Variants in IGF1R observed in about 807,000 individuals in gnomAD.
IGF1R encodes insulin-like growth factor 1 receptor.
Under a neutral mutation model 144.6 loss-of-function variants are expected in IGF1R, and 44 were observed. The observed-to-expected ratio is 0.30, with a 90% CI of 0.24 to 0.39. The LOEUF is 0.39. IGF1R is among the 10% of genes least tolerant of loss of function. The pLI, the probability that IGF1R is intolerant of heterozygous loss-of-function variation, is 1.00. For missense variants in IGF1R, 1,355 were observed against 1,833.7 expected, an observed-to-expected ratio of 0.74 and a Z score of 4.77; for synonymous variants, 795 against 722.8, an observed-to-expected ratio of 1.10 and a Z score of -1.60.
In IGF1R at chr15:98,891,684, G is replaced by T. The variant is rs767871468; in HGVS notation, c.953+47G>T. On this transcript the variant is annotated intron_variant, in intron 3 of 20. Transcript: ENST00000650285. This position sits in a 1 kb window ranked among gnomAD's most constrained non-coding sequence, Gnocchi z 4.7. The stretch of plus-strand genomic sequence containing the variant: ...GGTCACTACCCGCCCCACCTCACCC[G>T]CCACCCTAGCACACAAAGGTAGACT... The T allele has an allele frequency of 4.3e-5, 67 of 1,556,886 alleles. No homozygotes were observed. Among genetic ancestry groups the T allele is most frequent in the Non-Finnish European group, 5.7e-5 (65 of 1,144,622 alleles).
At chr15:98,715,704 C>T (rs866629399) in intron 2 of IGF1R, among the ~76,000 whole-genome samples, 6 of 152,206 alleles carry the variant, frequency 3.9e-5, no homozygotes, top group Middle Eastern at 3.4e-3. Context: ...TTGGAAGCAT[C>T]ACTTAGAAAC....
At chr15:98,909,557 T>G (rs1159450172) in intron 6 of IGF1R, among the ~76,000 whole-genome samples, 1 of 152,142 alleles carries the variant, frequency 6.6e-6, no homozygotes, top group African/African-American at 2.4e-5. Flanking sequence ...CCATGCCCTG[T>G]CCGATTATTT....
In IGF1R at chr15:98,961,534, A is replaced by G. The variant is rs1046818983; in HGVS notation, c.*4092A>G. 8.6e-6 allele frequency: 2 copies of G among 233,346 alleles called. No homozygotes were observed. Among genetic ancestry groups the G allele is most frequent in the African/African-American group, 2.2e-5 (1 of 45,216 alleles). 14.5% of individuals were successfully genotyped at this position (233,346 alleles called of 1,614,324 possible). ...TTCATGCTGATTTCTCTGCCTCTTG[A>G]TTTTTCTCTGTGTGTTCCAAATAAT... is the stretch of plus-strand genomic sequence containing the variant. On this transcript the variant is annotated 3_prime_UTR_variant, in exon 21 of 21. Coordinates refer to ENST00000650285, the MANE Select transcript of IGF1R (RefSeq NM_000875.5).
intron 2 of IGF1R, among the ~76,000 whole-genome samples, chr15:98,875,615 C>A (rs1244506932): frequency 2.6e-5 from 4 of 152,002 alleles, no homozygotes; most frequent in Admixed American, 2.6e-4. Flanking sequence ...GTGTGCTTTC[C>A]ACTGTAGAGC....
At chr15:98,864,187 C>G (rs1223931358) in intron 2 of IGF1R, among the ~76,000 whole-genome samples, 1 of 152,080 alleles carries the variant, frequency 6.6e-6, no homozygotes, top group Non-Finnish European at 1.5e-5. Flanking sequence ...TTCAGGAGGT[C>G]AAAGCTGCAG....
chr15:98,801,548 C>T (rs1031663801), intron 2 of IGF1R, among the ~76,000 whole-genome samples: 7 of 152,200 alleles, frequency 4.6e-5, no homozygotes, highest in Admixed American at 1.3e-4. Context: ...CCTTGATGAT[C>T]GAGCTGTGCA....
chr15:98,907,379 C>T (rs756120794), intron 5 of IGF1R, among the ~76,000 whole-genome samples: 2 of 152,222 alleles, frequency 1.3e-5, no homozygotes, highest in Admixed American at 6.5e-5. Flanking sequence ...CCAGGGCAGA[C>T]GAAGCCTTAG....
intron 1 of IGF1R, among the ~76,000 whole-genome samples, chr15:98,653,894 C>A (rs566198373): frequency 1.3e-5 from 2 of 152,192 alleles, no homozygotes; most frequent in Non-Finnish European, 2.9e-5. Flanking sequence ...CCTTTTAAAT[C>A]TGGTTTCATT....
At chr15:98,717,272 T>A (rs2054140199) in intron 2 of IGF1R, among the ~76,000 whole-genome samples, 1 of 152,124 alleles carries the variant, frequency 6.6e-6, no homozygotes, top group African/African-American at 2.4e-5. Context: ...AGGACAGTAT[T>A]TGAAAAGCAT....
In IGF1R at chr15:98,728,049, T is replaced by G. The variant is rs150634727; in HGVS notation, c.640+19942T>G. 6.9e-3 allele frequency among the ~76,000 whole-genome samples: 965 copies of G among 140,764 alleles called. 10 individuals are homozygous for G. The highest frequency in any genetic ancestry group is 0.024 in the African/African-American group (898 of 38,000). 92.3% of individuals were successfully genotyped at this position (140,764 alleles called of 152,430 possible). ...TTTTTTAAGCGAGCAGCAGCAAGAT[T>G]TATTGTGAAGAGTGAAAGAACAAAG... On this transcript the variant is annotated intron_variant, in intron 2 of 20. Coordinates refer to ENST00000650285, the MANE Select transcript of IGF1R (RefSeq NM_000875.5).
At chr15:98,934,738 A>G in intron 15 of IGF1R, 86 bp from the exon 16 acceptor site, 1 of 1,107,956 alleles carries the variant, frequency 9.0e-7, no homozygotes, top group Non-Finnish European at 1.4e-6. Context: ...GCAGCATCTT[A>G]TATTCTTTGG....
intron 11 of IGF1R, 144 bp downstream of exon 11, chr15:98,922,575 G>C: frequency 1.0e-6 from 1 of 962,760 alleles, no homozygotes; most frequent in Non-Finnish European, 1.6e-6. Context: ...GTCATTGGCA[G>C]GTGGCGTGTA....
chr15:98,921,422 C>G (rs538405672), intron 10 of IGF1R, among the ~76,000 whole-genome samples: 74 of 152,248 alleles, frequency 4.9e-4, no homozygotes, highest in African/African-American at 1.7e-3. Flanking sequence ...GTTCCAAGCC[C>G]CATTCAAATC....
At chr15:98,813,441 C>A (rs927796737) in intron 2 of IGF1R, among the ~76,000 whole-genome samples, 1 of 152,196 alleles carries the variant, frequency 6.6e-6, no homozygotes, top group African/African-American at 2.4e-5. Context: ...GCCAGCTAGT[C>A]CTAAACCTGC....
chr15:98,932,555 G>T (rs1482058610), intron 15 of IGF1R, among the ~76,000 whole-genome samples: 1 of 152,214 alleles, frequency 6.6e-6, no homozygotes, highest in Non-Finnish European at 1.5e-5. Flanking sequence ...AATGTGATTG[G>T]TTTCAACTCC....
intron 7 of IGF1R, 109 bp downstream of exon 7, chr15:98,911,550 C>A: frequency 6.9e-7 from 1 of 1,452,818 alleles, no homozygotes; most frequent in Non-Finnish European, 9.6e-7. Flanking sequence ...TCAGCAGAGT[C>A]CCCAGGGAGA....
intron 2 of IGF1R, among the ~76,000 whole-genome samples, chr15:98,781,837 A>G (rs1470912854): frequency 6.6e-6 from 1 of 152,200 alleles, no homozygotes; most frequent in African/African-American, 2.4e-5. Context: ...TTTGGACAGC[A>G]TTGTGATATT....
chr15:98,749,900 T>C (rs2054965089), intron 2 of IGF1R, among the ~76,000 whole-genome samples: 1 of 151,748 alleles, frequency 6.6e-6, no homozygotes, highest in Non-Finnish European at 1.5e-5. Context: ...TTTTTTTTTT[T>C]TTGGCTTAAA....
rs140028077 is a variant in IGF1R at position 98,732,191 on chromosome 15, G to A, written c.640+24084G>A. ...TAGAGCTTTGTGCAAAGTGCCACAG[G>A]AAGCAGGAGAAGGGGTAGATTGGTG... On this transcript the variant is annotated intron_variant, in intron 2 of 20. Coordinates refer to ENST00000650285, the MANE Select transcript of IGF1R (RefSeq NM_000875.5). Among the ~76,000 whole-genome samples the A allele has an allele frequency of 7.3e-3, 1,119 of 152,324 alleles. 7 individuals carry two copies. The highest frequency in any genetic ancestry group is 0.02 in the Middle Eastern group (6 of 294).
Sources: allele counts gnomAD v4.1 joint callset (sites outside exome capture counted in the v4.1 genomes callset), GRCh38; gene constraint gnomAD v4.1.1; non-coding constraint Gnocchi (gnomAD v3.1); transcripts MANE v1.5; gene names NCBI Gene and HGNC (gene_info 2026-07-23, HGNC 2026-07-21).